The following PABIR1 variants were observed in gnomAD, a reference collection of about 807,000 sequenced individuals.
PABIR1 encodes the protein PP2A Aalpha (PPP2R1A) and B55A (PPP2R2A) interacting phosphatase regulator 1, also known as PPP2R1A-PPP2R2A-interacting phosphatase regulator 1.
Under a neutral mutation model 14.6 loss-of-function variants are expected in PABIR1, and 2 were observed. The observed-to-expected ratio is 0.14, with a 90% CI of 0.06 to 0.43. PABIR1 has a LOEUF of 0.43. Among genes scored for constraint, PABIR1 ranks in the 20% least tolerant of loss-of-function variants. The probability of loss-of-function intolerance (pLI) is 0.99; values close to 1 mark genes in which losing one functional copy is unlikely to be tolerated. For missense variants in PABIR1, 294 were observed against 379.0 expected, an observed-to-expected ratio of 0.78 and a Z score of 1.86; for synonymous variants, 163 against 155.4, an observed-to-expected ratio of 1.05 and a Z score of -0.36.
rs1831240267 is a variant in PABIR1, at chr9:68,781,017, T to C, written c.853T>C (p.Ser285Pro). The C allele has an allele frequency of 1.6e-5, 26 of 1,612,730 alleles. No individual in the cohort carries two copies. The highest frequency in any genetic ancestry group is 1.8e-5 in the Non-Finnish European group (21 of 1,178,960). The change falls in exon 1 of 1, where the codon TCG becomes CCG. Residue 285 changes from serine (S) to proline (P), a missense_variant. By Grantham distance (74) the Ser-to-Pro change is moderately conservative. Around this residue, in one of 3 missense-constraint regions of PABIR1, gnomAD observed 95 missense variants for 100.8 expected, o/e 0.94. Coordinates refer to ENST00000394264, the MANE Select transcript of PABIR1 (RefSeq NM_138333.5). ...ASPFIPLDEL[S>P]SK Reference sequence around the variant, plus strand: ...TCCATTTATTCCACTAGATGAACTTTCGTCTAAGTGATTCACTCATCCTGA... The same window carrying C: ...TCCATTTATTCCACTAGATGAACTTCCGTCTAAGTGATTCACTCATCCTGA...
Position 68,781,253 on chromosome 9 carries a change from G to T in PABIR1, c.*225G>T. The T allele has an allele frequency of 1.8e-6, 1 of 562,980 alleles. No homozygotes were observed. The highest frequency in any genetic ancestry group is 2.3e-5 in the South Asian group (1 of 44,430). The allele number at this position is 562,980 out of a possible 1,614,324, so 34.9% of individuals were successfully genotyped here. A position where few individuals can be genotyped will look rare whatever the true frequency, so the allele number is the denominator to read the frequency against. ...TTTCAGACGTTTCCCCAATAAGTGT[G>T]TTGAAGCATACATCTTTACGCTGCT... On this transcript the variant is annotated 3_prime_UTR_variant, in exon 1 of 1. Transcript: ENST00000394264.
rs899696341 is a variant in PABIR1 at position 68,782,314 on chromosome 9, G to A, written c.*1286G>A. On this transcript the variant is annotated 3_prime_UTR_variant, in exon 1 of 1. Coordinates refer to ENST00000394264, the MANE Select transcript of PABIR1 (RefSeq NM_138333.5). The stretch of plus-strand genomic sequence containing the variant: ...AGAAAATTAGTGGAGAGTCACATAG[G>A]TAAATCATTATTTAACTTAGGTTTT... The A allele has an allele frequency of 1.8e-5, 3 of 167,052 alleles. No individual in the cohort carries two copies. The highest frequency in any genetic ancestry group is 4.4e-5 in the Non-Finnish European group (3 of 68,118). 10.3% of individuals were successfully genotyped at this position (167,052 alleles called of 1,614,324 possible). A position where few individuals can be genotyped will look rare whatever the true frequency, so the allele number is the denominator to read the frequency against.
chr9:68,780,734 C>T lies in PABIR1; in HGVS notation c.570C>T (p.Pro190=), dbSNP rs1831217208. 6.2e-7 allele frequency: 1 copy of T among 1,614,196 alleles called. No homozygotes were observed. The highest frequency in any genetic ancestry group is 8.5e-7 in the Non-Finnish European group (1 of 1,180,026). ...TRFTTRRSQS[P]INCIRPSVLG... is the part of the protein sequence containing the mutation. The stretch of plus-strand genomic sequence containing the variant: ...TTACCACCCGGAGAAGCCAGAGCCC[C>T]ATCAATTGCATTAGACCAAGTGTTC... Residue 190 remains proline, a synonymous_variant, in exon 1 of 1, where the codon CCC becomes CCT. Transcript: ENST00000394264.
In PABIR1 at chr9:68,785,171, C is replaced by T. The variant is rs940466958; in HGVS notation, c.*4143C>T. Reference sequence around the variant, plus strand: ...GGTTAAGTGGGTACTAGGTAAAGCCCAGTGTGTGAAGTAGTTAAGGGTTCT... The same window carrying T: ...GGTTAAGTGGGTACTAGGTAAAGCCTAGTGTGTGAAGTAGTTAAGGGTTCT... On this transcript the variant is annotated 3_prime_UTR_variant, in exon 1 of 1. Transcript: ENST00000394264. 6.6e-6 allele frequency among the ~76,000 whole-genome samples: 1 copy of T among 152,108 alleles called. No homozygotes were observed. The highest frequency in any genetic ancestry group is 1.5e-5 in the Non-Finnish European group (1 of 68,026).
rs1368877151 is a variant in PABIR1, at chr9:68,780,093, C to T, written c.-72C>T. 8.8e-6 allele frequency: 12 copies of T among 1,365,364 alleles called. No individual in the cohort carries two copies. Among genetic ancestry groups the T allele is most frequent in the South Asian group, 6.1e-5 (3 of 49,358 alleles). The allele number at this position is 1,365,364 out of a possible 1,614,324, so 84.6% of individuals were successfully genotyped here. A position where few individuals can be genotyped will look rare whatever the true frequency, so the allele number is the denominator to read the frequency against. On this transcript the variant is annotated 5_prime_UTR_variant, in exon 1 of 1. Coordinates refer to ENST00000394264, the MANE Select transcript of PABIR1 (RefSeq NM_138333.5). ...TTCTCGGTGGCGGCGGCAGCGGCGG[C>T]GGCCCTGGACTGCGGGGAATGGGAA... is the stretch of plus-strand genomic sequence containing the variant.
Position 68,780,375 on chromosome 9 carries a change from C to G in PABIR1, c.211C>G (p.Leu71Val), listed in dbSNP as rs1358920794. The G allele has an allele frequency of 1.2e-6, 2 of 1,613,298 alleles. No homozygotes were observed. The highest frequency in any genetic ancestry group is 2.7e-5 in the African/African-American group (2 of 74,934). ...NSTTFPSRHG[L>V]LLPASPVRMH... The stretch of plus-strand genomic sequence containing the variant: ...CACAACGTTCCCGAGCCGCCACGGC[C>G]TGCTGCTGCCGGCCTCCCCTGTCCG... The change falls in exon 1 of 1, where the codon CTG (leucine) becomes GTG (valine). Residue 71 changes from leucine (L) to valine (V), a missense_variant. Leu to Val is a conservative substitution (Grantham distance 32). Coordinates refer to ENST00000394264, the MANE Select transcript of PABIR1 (RefSeq NM_138333.5).
At position 68,780,266 on chromosome 9, in the gene PABIR1, G is replaced by A. The variant is rs747188091; in HGVS notation, c.102G>A (p.Arg34=). ...GCGGCGGCGGCGGGGGCCTCAGGAGGTCTAACAGCGCCCCCCTGATCCACG... is the reference window on the plus strand; with the variant it reads ...GCGGCGGCGGCGGGGGCCTCAGGAGATCTAACAGCGCCCCCCTGATCCACG... ...GGSGGGGGLR[R]SNSAPLIHGL... The change falls in exon 1 of 1, where the codon AGG becomes AGA. Residue 34 remains arginine (R), a synonymous_variant. Coordinates refer to ENST00000394264, the MANE Select transcript of PABIR1 (RefSeq NM_138333.5). 4 of 1,570,086 alleles carry A rather than the reference G, an allele frequency of 2.5e-6. No individual in the cohort carries two copies. The highest frequency in any genetic ancestry group is 2.7e-5 in the African/African-American group (2 of 73,534).
rs1423369650 is a variant in PABIR1, at chr9:68,780,261, A to G, written c.97A>G (p.Arg33Gly). The change falls in exon 1 of 1, where the codon AGG becomes GGG. Residue 33 changes from arginine to glycine, a missense_variant. By Grantham distance (125) the Arg-to-Gly change is moderately radical. Transcript: ENST00000394264. Reference protein sequence around the residue: ...GGGSGGGGGLRRSNSAPLIHG... With the variant: ...GGGSGGGGGLGRSNSAPLIHG... ...TGGCAGCGGCGGCGGCGGGGGCCTC[A>G]GGAGGTCTAACAGCGCCCCCCTGAT... 1.3e-6 allele frequency: 2 copies of G among 1,558,308 alleles called. No individual in the cohort carries two copies. The highest frequency in any genetic ancestry group is 1.7e-6 in the Non-Finnish European group (2 of 1,157,188).
In PABIR1 at chr9:68,780,623, G is replaced by A. The variant is rs1219394683; in HGVS notation, c.459G>A (p.Gly153=). ...SPAPSPTRGI[G]KQCFSPSLQS... ...CACCGTCACCCACTCGGGGAATTGGGAAGCAGTGTTTTTCGCCATCCTTGC... is the reference window on the plus strand; with the variant it reads ...CACCGTCACCCACTCGGGGAATTGGAAAGCAGTGTTTTTCGCCATCCTTGC... The change falls in exon 1 of 1, where the codon GGG becomes GGA. Residue 153 remains glycine, a synonymous_variant. Coordinates refer to ENST00000394264, the MANE Select transcript of PABIR1 (RefSeq NM_138333.5). 2.5e-6 allele frequency: 4 copies of A among 1,614,082 alleles called. No individual in the cohort carries two copies. Among genetic ancestry groups the A allele is most frequent in the Non-Finnish European group, 3.4e-6 (4 of 1,180,046 alleles).
rs1831341205 is a variant in PABIR1, at chr9:68,782,399, T to C, written c.*1371T>C. 1 of 166,960 alleles carries C rather than the reference T, an allele frequency of 6.0e-6. No individual in the cohort carries two copies. The highest frequency in any genetic ancestry group is 2.4e-5 in the African/African-American group (1 of 41,440). The allele number at this position is 166,960 out of a possible 1,614,324, so 10.3% of individuals were successfully genotyped here. On this transcript the variant is annotated 3_prime_UTR_variant, in exon 1 of 1. Transcript: ENST00000394264. Reference sequence around the variant, plus strand: ...ACCTTTACAATTAAGACAAAATGTTTAATAAGAATAGCAAAAATTTTTTTA... The same window carrying C: ...ACCTTTACAATTAAGACAAAATGTTCAATAAGAATAGCAAAAATTTTTTTA...
chr9:68,783,129 C>T lies in PABIR1; in HGVS notation c.*2101C>T, dbSNP rs1831393642. On this transcript the variant is annotated 3_prime_UTR_variant, in exon 1 of 1. Coordinates refer to ENST00000394264, the MANE Select transcript of PABIR1 (RefSeq NM_138333.5). ...TCTGAAATTTAAACTTGATATTTTT[C>T]GCCCTCTTGCTTGAAAACTTCACTT... 1 of 166,924 alleles carries T rather than the reference C, an allele frequency of 6.0e-6. No individual in the cohort carries two copies. Among genetic ancestry groups the T allele is most frequent in the South Asian group, 2.1e-4 (1 of 4,820 alleles). 10.3% of individuals were successfully genotyped at this position (166,924 alleles called of 1,614,324 possible).
chr9:68,782,436 C>T lies in PABIR1; in HGVS notation c.*1408C>T, dbSNP rs1177450401. 6.0e-6 allele frequency: 1 copy of T among 166,706 alleles called. No individual in the cohort carries two copies. Among genetic ancestry groups the T allele is most frequent in the African/African-American group, 2.4e-5 (1 of 41,356 alleles). The allele number at this position is 166,706 out of a possible 1,614,324, so 10.3% of individuals were successfully genotyped here. A position where few individuals can be genotyped will look rare whatever the true frequency, so the allele number is the denominator to read the frequency against. ...CAAAAATTTTTTTATATTATGCATC[C>T]TTATACCTCACATATCTTCCTTAAC... On this transcript the variant is annotated 3_prime_UTR_variant, in exon 1 of 1. Coordinates refer to ENST00000394264, the MANE Select transcript of PABIR1 (RefSeq NM_138333.5).
Position 68,780,248 on chromosome 9 carries a change from C to CG in PABIR1, c.86dup (p.Gly30ArgfsTer7). 6.5e-7 allele frequency: 1 copy of CG among 1,543,022 alleles called. No homozygotes were observed. The highest frequency in any genetic ancestry group is 8.7e-7 in the Non-Finnish European group (1 of 1,150,812). On this transcript the variant is annotated frameshift_variant, in exon 1 of 1. Coordinates refer to ENST00000394264, the MANE Select transcript of PABIR1 (RefSeq NM_138333.5). LOFTEE classifies it high-confidence loss of function. ...CGGCGGAGGGCGGTGGCAGCGGCGGCGGCGGGGGCCTCAGGAGGTCTAACA... is the reference window on the plus strand; with the variant it reads ...CGGCGGAGGGCGGTGGCAGCGGCGGCGGGCGGGGGCCTCAGGAGGTCTAACA...
Position 68,782,609 on chromosome 9 carries a change from C to A in PABIR1, c.*1581C>A, listed in dbSNP as rs890287719. ...TTTACAACTATGAGAGTAAATGGAA[C>A]TGGTCAACTCTTGACAGTTGCCTCA... On this transcript the variant is annotated 3_prime_UTR_variant, in exon 1 of 1. Transcript: ENST00000394264. The A allele has an allele frequency of 1.8e-5, 3 of 167,050 alleles. No homozygotes were observed. In the Admixed American group the frequency reaches 2.0e-4, roughly 11 times the overall value. 10.3% of individuals were successfully genotyped at this position (167,050 alleles called of 1,614,324 possible).
In PABIR1 at chr9:68,782,848, C is replaced by T. The variant is rs1831377018; in HGVS notation, c.*1820C>T. Reference sequence around the variant, plus strand: ...GGAATTGTTAATCTTCTCACTTCACCTGTTCTTGCATTAGCTCAATTGATG... The same window carrying T: ...GGAATTGTTAATCTTCTCACTTCACTTGTTCTTGCATTAGCTCAATTGATG... On this transcript the variant is annotated 3_prime_UTR_variant, in exon 1 of 1. Coordinates refer to ENST00000394264, the MANE Select transcript of PABIR1 (RefSeq NM_138333.5). The T allele has an allele frequency of 1.2e-5, 2 of 167,094 alleles. No individual in the cohort carries two copies. Among genetic ancestry groups the T allele is most frequent in the African/African-American group, 4.8e-5 (2 of 41,466 alleles). 10.4% of individuals were successfully genotyped at this position (167,094 alleles called of 1,614,324 possible).
At position 68,780,368 on chromosome 9, in the gene PABIR1, C is replaced by T. The variant is rs1157457740; in HGVS notation, c.204C>T (p.Arg68=). Reference sequence around the variant, plus strand: ...GGAACAGCACAACGTTCCCGAGCCGCCACGGCCTGCTGCTGCCGGCCTCCC... The same window carrying T: ...GGAACAGCACAACGTTCCCGAGCCGTCACGGCCTGCTGCTGCCGGCCTCCC... ...ARRNSTTFPS[R]HGLLLPASPV... The change falls in exon 1 of 1, where the codon CGC becomes CGT. Residue 68 remains arginine (R), a synonymous_variant. Transcript: ENST00000394264. 3.1e-6 allele frequency: 5 copies of T among 1,613,096 alleles called. No homozygotes were observed. The Admixed American group carries it at 8.3e-5, about 27-fold the overall frequency.
chr9:68,780,134 T>C lies in PABIR1; in HGVS notation c.-31T>C, dbSNP rs1467136194. On this transcript the variant is annotated 5_prime_UTR_variant, in exon 1 of 1. Coordinates refer to ENST00000394264, the MANE Select transcript of PABIR1 (RefSeq NM_138333.5). The stretch of plus-strand genomic sequence containing the variant: ...GGAATGGGAATCCTAGGTCCCTGAC[T>C]GAGCACCTCCCCCGCCTCCCTGCCC... 1 of 1,506,866 alleles carries C rather than the reference T, an allele frequency of 6.6e-7. No homozygotes were observed. Among genetic ancestry groups the C allele is most frequent in the South Asian group, 1.4e-5 (1 of 73,720 alleles). 93.3% of individuals were successfully genotyped at this position (1,506,866 alleles called of 1,614,324 possible).
chr9:68,780,555 T>A lies in PABIR1; in HGVS notation c.391T>A (p.Ser131Thr). The change falls in exon 1 of 1, where the codon TCC becomes ACC. Residue 131 changes from serine (S) to threonine (T), a missense_variant. By Grantham distance (58) the Ser-to-Thr change is moderately conservative (BLOSUM62 1). Around this residue, in one of 3 missense-constraint regions of PABIR1, gnomAD observed 103 missense variants for 175.9 expected, o/e 0.59. Coordinates refer to ENST00000394264, the MANE Select transcript of PABIR1 (RefSeq NM_138333.5). ...FSLSDNDVEK[S>T]ASPKRIDFIP... ...CCTGAGTGACAACGACGTGGAGAAATCCGCCTCCCCCAAGCGCATCGATTT... is the reference window on the plus strand; with the variant it reads ...CCTGAGTGACAACGACGTGGAGAAAACCGCCTCCCCCAAGCGCATCGATTT... 6.2e-7 allele frequency: 1 copy of A among 1,614,088 alleles called. No homozygotes were observed. Among genetic ancestry groups the A allele is most frequent in the Non-Finnish European group, 8.5e-7 (1 of 1,180,018 alleles).
rs1283958679 is a variant in PABIR1, at chr9:68,780,065, A to C, written c.-100A>C. 1 of 1,418,066 alleles carries C rather than the reference A, an allele frequency of 7.1e-7. No individual in the cohort carries two copies. Among genetic ancestry groups the C allele is most frequent in the Non-Finnish European group, 9.2e-7 (1 of 1,085,810 alleles). 87.8% of individuals were successfully genotyped at this position (1,418,066 alleles called of 1,614,324 possible). A position where few individuals can be genotyped will look rare whatever the true frequency, so the allele number is the denominator to read the frequency against. On this transcript the variant is annotated 5_prime_UTR_variant, in exon 1 of 1. Transcript: ENST00000394264. ...TGCGCAGAGGGGCCAGCCCGCTGACAGATTCTCGGTGGCGGCGGCAGCGGC... is the reference window on the plus strand; with the variant it reads ...TGCGCAGAGGGGCCAGCCCGCTGACCGATTCTCGGTGGCGGCGGCAGCGGC...
Sources: gnomAD v4.1 joint callset for allele counts (sites outside exome capture counted in the v4.1 genomes callset) on GRCh38, gnomAD v4.1.1 for gene constraint, gnomAD v4.1.1 regional missense constraint, MANE v1.5 for transcripts, NCBI Gene and HGNC (gene_info 2026-07-23, HGNC 2026-07-21) for gene names.